TAFA5: variants seen among roughly 807,000 people sequenced by gnomAD.
TAFA5 encodes the protein chemokine-like protein TAFA-5.
Under a neutral mutation model 15.3 loss-of-function variants are expected in TAFA5, and 6 were observed. The observed-to-expected ratio is 0.39, with a 90% CI of 0.21 to 0.77. The LOEUF is 0.77. TAFA5 is among the 30% of genes least tolerant of loss of function. The pLI is 0.41. For missense variants in TAFA5, 161 were observed against 193.1 expected (o/e 0.83, Z 0.98); for synonymous variants, 103 against 80.7 (o/e 1.28, Z -1.48).
chr22:48,526,431 C>A (rs1921784611), intron 1 of TAFA5, among the ~76,000 whole-genome samples: 1 of 152,210 alleles, frequency 6.6e-6, no homozygotes, highest in African/African-American at 2.4e-5. Flanking sequence ...GCTGTCGCCC[C>A]AGACACATCT....
Position 48,489,710 on chromosome 22 carries a change from T to C in TAFA5, c.112+6T>C. 6.9e-7 allele frequency: 1 copy of C among 1,451,504 alleles called. No homozygotes were observed. Among genetic ancestry groups the C allele is most frequent in the African/African-American group, 1.5e-5 (1 of 68,128 alleles). 89.9% of individuals were successfully genotyped at this position (1,451,504 alleles called of 1,614,324 possible). A position where few individuals can be genotyped will look rare whatever the true frequency, so the allele number is the denominator to read the frequency against. Reference sequence around the variant, plus strand: ...CCTGCTCATCGCCTACTGCAGTGAGTACCGCGCGGCCCCGGCCCCGGCACG... The same window carrying C: ...CCTGCTCATCGCCTACTGCAGTGAGCACCGCGCGGCCCCGGCCCCGGCACG... On this transcript the variant is annotated splice_donor_region_variant and intron_variant, in intron 1 of 3. Coordinates refer to ENST00000402357, the MANE Select transcript of TAFA5 (RefSeq NM_001082967.3). The surrounding 1 kb of genome is among the most constrained non-coding windows in gnomAD (Gnocchi z 5.5).
At chr22:48,733,434 A>G (rs1012972057) in intron 3 of TAFA5, among the ~76,000 whole-genome samples, 1 of 152,206 alleles carries the variant, frequency 6.6e-6, no homozygotes, top group African/African-American at 2.4e-5. Context: ...CCTCACAGGC[A>G]AGTTGCCCTA....
intron 1 of TAFA5, among the ~76,000 whole-genome samples, chr22:48,501,174 C>G (rs1348201238): frequency 3.9e-5 from 6 of 152,208 alleles, no homozygotes; most frequent in African/African-American, 1.4e-4. Context: ...TCCGCGCTGC[C>G]ACAAGACTGG....
chr22:48,679,269 TCCATCCCTCTTCCGGCTCCCC>T (rs1928096258), intron 2 of TAFA5, among the ~76,000 whole-genome samples: 1 of 113,146 alleles, frequency 8.8e-6, no homozygotes. Flanking sequence ...CGGCTCCCCA[TCCATCCCTCTTCCGGCTCCCC>T]GTCCATCCCT....
At chr22:48,556,601 G>T (rs1023147169) in intron 1 of TAFA5, among the ~76,000 whole-genome samples, 2 of 152,244 alleles carry the variant, frequency 1.3e-5, no homozygotes, top group Non-Finnish European at 2.9e-5. Context: ...GGGCAGCAGG[G>T]GATTCGTGTC....
chr22:48,557,600 G>A (rs1923085852), intron 1 of TAFA5, among the ~76,000 whole-genome samples: 1 of 152,236 alleles, frequency 6.6e-6, no homozygotes, highest in Non-Finnish European at 1.5e-5. Flanking sequence ...TCTCGCCCAA[G>A]CATTGCAGGC....
In TAFA5 at chr22:48,750,597, C is replaced by T. The variant is rs1256676686; in HGVS notation, c.*750C>T. The stretch of plus-strand genomic sequence containing the variant: ...ACGCAGGCCGCTTTATTCCTCTGTA[C>T]TTAGATCAACTTGACCGTACTAAAA... On this transcript the variant is annotated 3_prime_UTR_variant, in exon 4 of 4. Coordinates refer to ENST00000402357, the MANE Select transcript of TAFA5 (RefSeq NM_001082967.3). The T allele has an allele frequency of 1.3e-5, 2 of 152,638 alleles. No homozygotes were observed. Among genetic ancestry groups the T allele is most frequent in the African/African-American group, 4.8e-5 (2 of 41,474 alleles). The allele number at this position is 152,638 out of a possible 1,614,324, so 9.5% of individuals were successfully genotyped here.
intron 1 of TAFA5, among the ~76,000 whole-genome samples, chr22:48,646,186 A>C: frequency 6.6e-6 from 1 of 152,122 alleles, no homozygotes; most frequent in Non-Finnish European, 1.5e-5. Context: ...GTGTGCTGGC[A>C]CTTGGGGATG....
At chr22:48,527,920 T>C (rs1380704052) in intron 1 of TAFA5, among the ~76,000 whole-genome samples, 2 of 152,210 alleles carry the variant, frequency 1.3e-5, no homozygotes, top group African/African-American at 4.8e-5. Flanking sequence ...AATCCCGCCT[T>C]CCCAGGCGCG....
At chr22:48,594,152 A>G (rs1352574118) in intron 1 of TAFA5, among the ~76,000 whole-genome samples, 15 of 152,146 alleles carry the variant, frequency 9.9e-5, no homozygotes, top group Admixed American at 9.8e-4. Context: ...CTGGGGATGC[A>G]CAGGGGCGGT....
intron 1 of TAFA5, among the ~76,000 whole-genome samples, chr22:48,586,943 G>A (rs1047674294): frequency 5.9e-5 from 9 of 152,344 alleles, no homozygotes; most frequent in Admixed American, 5.2e-4. Flanking sequence ...CAGCCAAAAG[G>A]CACCCTCCGG....
At chr22:48,600,446 G>T (rs917886227) in intron 1 of TAFA5, among the ~76,000 whole-genome samples, 1 of 152,184 alleles carries the variant, frequency 6.6e-6, no homozygotes, top group African/African-American at 2.4e-5. Flanking sequence ...GTGGCCACAC[G>T]GGCCTTGTCA....
intron 1 of TAFA5, among the ~76,000 whole-genome samples, chr22:48,537,639 CCTT>C (rs1207083313): frequency 1.3e-5 from 2 of 152,242 alleles, no homozygotes; most frequent in African/African-American, 2.4e-5. Context: ...GCCATGGCCT[CCTT>C]CTTGTTTCAG....
intron 1 of TAFA5, among the ~76,000 whole-genome samples, chr22:48,595,874 A>T (rs1050021592): frequency 3.9e-5 from 6 of 152,268 alleles, no homozygotes; most frequent in Admixed American, 6.5e-5. Flanking sequence ...ATTAAGTGGC[A>T]AGATTATGCA....
chr22:48,714,406 C>T (rs1043885794), intron 3 of TAFA5, among the ~76,000 whole-genome samples: 8 of 152,178 alleles, frequency 5.3e-5, no homozygotes, highest in Non-Finnish European at 1.0e-4. Context: ...GCAGTGCTGA[C>T]GGCCTCCTCC....
At chr22:48,497,227 A>C (rs1928360355) in intron 1 of TAFA5, among the ~76,000 whole-genome samples, 1 of 152,134 alleles carries the variant, frequency 6.6e-6, no homozygotes, top group South Asian at 2.1e-4. Context: ...TCCTTCCCGT[A>C]TGGGCGGACC....
chr22:48,576,609 T>G, intron 1 of TAFA5: 1 of 1,360,468 alleles, frequency 7.4e-7, no homozygotes, highest in South Asian at 1.8e-5. Context: ...TCCTCCGCGC[T>G]CTGCCCGGCT....
chr22:48,492,502 G>C (rs1472790570), intron 1 of TAFA5, among the ~76,000 whole-genome samples: 3 of 152,174 alleles, frequency 2.0e-5, no homozygotes, highest in Non-Finnish European at 4.4e-5. Flanking sequence ...CCCAGTGAGA[G>C]TCCGGCCTTC....
At chr22:48,661,292 C>T (rs56228676) in intron 2 of TAFA5, among the ~76,000 whole-genome samples, 25,694 of 152,130 alleles carry the variant, frequency 0.17, 2,635 homozygotes, top group Non-Finnish European at 0.23. Flanking sequence ...GCCTCGGGCA[C>T]GTCTTGCCTG....
Sources: allele counts gnomAD v4.1 joint callset (sites outside exome capture counted in the v4.1 genomes callset), GRCh38; gene constraint gnomAD v4.1.1; non-coding constraint Gnocchi (gnomAD v3.1); transcripts MANE v1.5; gene names NCBI Gene and HGNC (gene_info 2026-07-23, HGNC 2026-07-21).